Variants in GRK3 observed in about 807,000 individuals in gnomAD.
GRK3 encodes the protein G protein-coupled receptor kinase 3, also known as adrenergic, beta, receptor kinase 2.
A neutral mutation model predicts 95.7 loss-of-function variants in GRK3; 54 were observed. The observed-to-expected ratio is 0.56, with a 90% CI of 0.45 to 0.71. GRK3 has a LOEUF of 0.71. Ranked by LOEUF, GRK3 falls within the 30% of genes least tolerant of loss-of-function variation. The pLI is 0.00. For missense variants in GRK3, 649 were observed against 851.2 expected (o/e 0.76, Z 2.96); for synonymous variants, 281 against 290.8 (o/e 0.97, Z 0.34).
At chr22:25,696,774 C>T (rs551153940) in intron 13 of GRK3, among the ~76,000 whole-genome samples, 11 of 152,340 alleles carry the variant, frequency 7.2e-5, no homozygotes, top group African/African-American at 2.6e-4. Flanking sequence ...AATCCAGTTG[C>T]TCTCTACTTT....
rs1398963200 is a variant in GRK3 at position 25,728,936 on chromosome 22, G to A, written c.*6486G>A. 2 of 151,996 alleles carry A rather than the reference G, an allele frequency of 1.3e-5. No homozygotes were observed. Among genetic ancestry groups the A allele is most frequent in the East Asian group, 1.9e-4 (1 of 5,188 alleles). The allele number at this position is 151,996 out of a possible 1,614,324, so 9.4% of individuals were successfully genotyped here. ...ATAGTAACATATTTACTATATTCTT[G>A]AATACCCTTGAAGAAAGAAATCCGT... On this transcript the variant is annotated 3_prime_UTR_variant, in exon 21 of 21. Coordinates refer to ENST00000324198, the MANE Select transcript of GRK3 (RefSeq NM_005160.4).
chr22:25,574,455 G>A (rs2146313093), intron 1 of GRK3, among the ~76,000 whole-genome samples: 1 of 152,328 alleles, frequency 6.6e-6, no homozygotes, highest in Admixed American at 6.5e-5. Flanking sequence ...TCATGTCACT[G>A]CACTGCAGCC....
intron 7 of GRK3, among the ~76,000 whole-genome samples, chr22:25,674,064 G>C (rs2085006778): frequency 1.3e-5 from 2 of 152,088 alleles, no homozygotes; most frequent in Non-Finnish European, 2.9e-5. Flanking sequence ...CCAAACATTA[G>C]GCTTCGGAGT....
At chr22:25,583,254 C>T (rs1262891659) in intron 1 of GRK3, among the ~76,000 whole-genome samples, 1 of 151,778 alleles carries the variant, frequency 6.6e-6, no homozygotes, top group Non-Finnish European at 1.5e-5. Context: ...GAAAGATGGA[C>T]GTTAATTTCA....
chr22:25,602,950 T>C (rs2084418802), intron 1 of GRK3, among the ~76,000 whole-genome samples: 1 of 152,232 alleles, frequency 6.6e-6, no homozygotes, highest in South Asian at 2.1e-4. Context: ...AGAGTCTCAT[T>C]CTGTCCCCCA....
chr22:25,674,870 A>T (rs1011949349), intron 8 of GRK3, among the ~76,000 whole-genome samples: 5 of 152,106 alleles, frequency 3.3e-5, no homozygotes, highest in African/African-American at 9.7e-5. Context: ...AATGGCGTGA[A>T]CCCGGGAGGC....
chr22:25,616,381 A>G (rs1243103268), intron 2 of GRK3, among the ~76,000 whole-genome samples: 3 of 151,580 alleles, frequency 2.0e-5, no homozygotes, highest in Non-Finnish European at 2.9e-5. Flanking sequence ...CAGGAGAGAG[A>G]GGGAGGGAGA....
intron 3 of GRK3, among the ~76,000 whole-genome samples, chr22:25,657,129 A>G (rs1045332493): frequency 7.9e-5 from 12 of 152,270 alleles, no homozygotes; most frequent in Admixed American, 5.9e-4. Flanking sequence ...AGAGTAACAC[A>G]TTTACATTTT....
At chr22:25,568,631 G>T (rs1931577146) in intron 1 of GRK3, among the ~76,000 whole-genome samples, 1 of 152,194 alleles carries the variant, frequency 6.6e-6, no homozygotes, top group African/African-American at 2.4e-5. Context: ...CAGGCACGGG[G>T]TACTATGACA....
chr22:25,596,031 A>C (rs1204379892), intron 1 of GRK3, among the ~76,000 whole-genome samples: 2 of 152,228 alleles, frequency 1.3e-5, no homozygotes, highest in African/African-American at 2.4e-5. Flanking sequence ...GATTACATGA[A>C]GGTATATAAG....
rs1179593556 is a variant in GRK3 at position 25,565,156 on chromosome 22, A to G, written c.113+3A>G. The stretch of plus-strand genomic sequence containing the variant: ...AGGATCGTCCTGCCGGAGCCCAGGT[A>G]CCAGCTGCCCCGGCCGGCGCCGGCC... On this transcript the variant is annotated splice_donor_region_variant and intron_variant, in intron 1 of 20. Transcript: ENST00000324198. 4.0e-6 allele frequency: 6 copies of G among 1,491,018 alleles called. No homozygotes were observed. The highest frequency in any genetic ancestry group is 2.2e-5 in the Admixed American group (1 of 44,536). The allele number at this position is 1,491,018 out of a possible 1,614,324, so 92.4% of individuals were successfully genotyped here.
chr22:25,721,328 T>C lies in GRK3; in HGVS notation c.1836T>C (p.Thr612=). The change falls in exon 20 of 21, where the codon ACT becomes ACC. Residue 612 remains threonine, a synonymous_variant. Transcript: ENST00000324198. ...AACAGATTCTCTCTGTGGAAGAAAC[T>C]CAAATTAAAGACAAAAAATGCATTT... ...TMEQILSVEE[T]QIKDKKCILF... 6 of 1,606,800 alleles carry C rather than the reference T, an allele frequency of 3.7e-6. No homozygotes were observed. The highest frequency in any genetic ancestry group is 5.1e-6 in the Non-Finnish European group (6 of 1,176,526).
At chr22:25,587,691 G>A (rs949350791) in intron 1 of GRK3, among the ~76,000 whole-genome samples, 2 of 152,174 alleles carry the variant, frequency 1.3e-5, no homozygotes, top group East Asian at 1.9e-4. Context: ...CCCACCTGTG[G>A]TGGGAGGGAC....
intron 1 of GRK3, among the ~76,000 whole-genome samples, chr22:25,592,504 CTTA>C (rs1932527441): frequency 6.6e-6 from 1 of 152,008 alleles, no homozygotes; most frequent in Non-Finnish European, 1.5e-5. Flanking sequence ...CAGTTTTTCT[CTTA>C]TTATTCATGT....
chr22:25,574,716 T>C (rs1404846599), intron 1 of GRK3, among the ~76,000 whole-genome samples: 1 of 152,220 alleles, frequency 6.6e-6, no homozygotes, highest in Admixed American at 6.5e-5. Flanking sequence ...CAAGGGACTT[T>C]AATACACATC....
At chr22:25,591,755 T>TG in intron 1 of GRK3, among the ~76,000 whole-genome samples, 1 of 152,110 alleles carries the variant, frequency 6.6e-6, no homozygotes, top group Non-Finnish European at 1.5e-5. Context: ...TGTACTTTTT[T>TG]GGGGGGTCTG....
chr22:25,692,398 G>T (rs1277872721), intron 12 of GRK3, among the ~76,000 whole-genome samples: 1 of 152,218 alleles, frequency 6.6e-6, no homozygotes, highest in Non-Finnish European at 1.5e-5. Flanking sequence ...AGGAGGAGAG[G>T]ACAATGATAT....
intron 2 of GRK3, among the ~76,000 whole-genome samples, chr22:25,624,206 T>A (rs1018016837): frequency 1.3e-5 from 2 of 152,172 alleles, no homozygotes; most frequent in African/African-American, 4.8e-5. Context: ...TGTCTCCCTC[T>A]GTGGAAGGCC....
chr22:25,715,396 C>T (rs1204627092), intron 18 of GRK3, among the ~76,000 whole-genome samples: 1 of 151,948 alleles, frequency 6.6e-6, no homozygotes, highest in Non-Finnish European at 1.5e-5. Flanking sequence ...CCTGTAGTCC[C>T]AGGGACTGGG....
Sources: allele counts gnomAD v4.1 joint callset (sites outside exome capture counted in the v4.1 genomes callset), GRCh38; gene constraint gnomAD v4.1.1; transcripts MANE v1.5; gene names NCBI Gene and HGNC (gene_info 2026-07-23, HGNC 2026-07-21).